SPOCK3: variants seen among roughly 807,000 people sequenced by gnomAD.
The protein encoded by SPOCK3 is SPARC (osteonectin), cwcv and kazal like domains proteoglycan 3.
Under a neutral mutation model 56.6 loss-of-function variants are expected in SPOCK3, and 30 were observed. The ratio of observed to expected loss-of-function variants is 0.53; its 90% CI spans 0.40 to 0.72. The LOEUF (loss-of-function observed/expected upper bound fraction) is 0.72, where lower values mean the gene tolerates loss of function less well. Ranked by LOEUF, SPOCK3 falls within the 30% of genes least tolerant of loss-of-function variation. The probability of loss-of-function intolerance (pLI) is 0.00; values close to 1 mark genes in which losing one functional copy is unlikely to be tolerated. For missense variants in SPOCK3, 527 were observed against 530.0 expected (o/e 0.99, Z 0.06); for synonymous variants, 196 against 183.3 (o/e 1.07, Z -0.56).
At chr4:166,870,738 AAAG>A (rs1732376105) in intron 6 of SPOCK3, among the ~76,000 whole-genome samples, 1 of 152,124 alleles carries the variant, frequency 6.6e-6, no homozygotes, top group Admixed American at 6.6e-5. Context: ...ATATGTTAGA[AAAG>A]AAGATAACCT....
At chr4:166,947,847 T>C (rs146493795) in intron 4 of SPOCK3, among the ~76,000 whole-genome samples, 533 of 152,340 alleles carry the variant, frequency 3.5e-3, no homozygotes, top group Non-Finnish European at 4.9e-3. Flanking sequence ...TCCTCACATA[T>C]TTATTGGTTT....
intron 4 of SPOCK3, among the ~76,000 whole-genome samples, chr4:166,997,601 T>A (rs2150123000): frequency 6.6e-6 from 1 of 152,280 alleles, no homozygotes; most frequent in East Asian, 1.9e-4. Context: ...TACTGAGCAG[T>A]AATTCAAGAT....
chr4:167,092,769 T>A (rs1315664969), intron 2 of SPOCK3, among the ~76,000 whole-genome samples: 1 of 152,116 alleles, frequency 6.6e-6, no homozygotes, highest in Non-Finnish European at 1.5e-5. Context: ...CAGTGAAGAA[T>A]AATAGAGAAA....
chr4:166,834,425 C>T (rs926694301), intron 6 of SPOCK3, among the ~76,000 whole-genome samples: 2 of 152,142 alleles, frequency 1.3e-5, no homozygotes, highest in African/African-American at 2.4e-5. Context: ...GATGGCTTTG[C>T]CACCACTGCT....
intron 5 of SPOCK3, among the ~76,000 whole-genome samples, chr4:166,902,928 G>T (rs1736213439): frequency 6.7e-6 from 1 of 150,374 alleles, no homozygotes; most frequent in African/African-American, 2.4e-5. Context: ...GTTGATGTCT[G>T]TTACTAATAA....
chr4:167,145,813 C>G (rs992368608), intron 2 of SPOCK3, among the ~76,000 whole-genome samples: 3 of 152,062 alleles, frequency 2.0e-5, no homozygotes, highest in African/African-American at 7.2e-5. Flanking sequence ...GAAGGAAGCA[C>G]TACACATGGA....
At chr4:166,904,442 G>T (rs1395578937) in intron 5 of SPOCK3, among the ~76,000 whole-genome samples, 1 of 151,984 alleles carries the variant, frequency 6.6e-6, no homozygotes, top group African/African-American at 2.4e-5. Context: ...CTGACAAAAA[G>T]ATTACAGAAC....
chr4:167,036,842 C>T (rs975861908), intron 3 of SPOCK3, among the ~76,000 whole-genome samples: 200 of 151,972 alleles, frequency 1.3e-3, no homozygotes, highest in African/African-American at 4.5e-3. Context: ...CCCTCTAACG[C>T]TGTTATATCA....
intron 2 of SPOCK3, among the ~76,000 whole-genome samples, chr4:167,169,120 C>A (rs889279289): frequency 1.3e-5 from 2 of 152,184 alleles, no homozygotes; most frequent in African/African-American, 4.8e-5. Flanking sequence ...GCTGCAGGGG[C>A]AGGACCCTCA....
At chr4:167,036,841 G>A (rs906812815) in intron 3 of SPOCK3, among the ~76,000 whole-genome samples, 1 of 151,026 alleles carries the variant, frequency 6.6e-6, no homozygotes, top group Non-Finnish European at 1.5e-5. Context: ...GCCCTCTAAC[G>A]CTGTTATATC....
rs1301528135 is a variant in SPOCK3, at chr4:166,748,273, G to A, written c.932-6214C>T. ...ATGGTAACCAAAACAGCATGGTACT[G>A]GTACCAAAACAGAGATATAGACCAG... is the stretch of plus-strand genomic sequence containing the variant. On this transcript the variant is annotated intron_variant, in intron 8 of 10. Transcript: ENST00000357545. Among the ~76,000 whole-genome samples, 8 of 137,278 alleles carry A rather than the reference G, an allele frequency of 5.8e-5. 2 individuals carry two copies. Among genetic ancestry groups the A allele is most frequent in the Non-Finnish European group, 1.2e-4 (8 of 64,710 alleles). The allele number at this position is 137,278 out of a possible 152,430, so 90.1% of individuals were successfully genotyped here. A position where few individuals can be genotyped will look rare whatever the true frequency, so the allele number is the denominator to read the frequency against.
At chr4:167,058,917 A>G (rs1007358129) in intron 3 of SPOCK3, among the ~76,000 whole-genome samples, 2 of 152,240 alleles carry the variant, frequency 1.3e-5, no homozygotes, top group African/African-American at 4.8e-5. Flanking sequence ...TCCCTACTTA[A>G]TAAATGGTGC....
At position 167,171,428 on chromosome 4, in the gene SPOCK3, C is replaced by A. The variant is rs374237456; in HGVS notation, c.189+62557G>T. Among the ~76,000 whole-genome samples, 92 of 152,220 alleles carry A rather than the reference C, an allele frequency of 6.0e-4. 4 individuals carry two copies. The South Asian group carries it at 7.9e-3, about 13-fold the overall frequency. On this transcript the variant is annotated intron_variant, in intron 2 of 10. Transcript: ENST00000357545. The stretch of plus-strand genomic sequence containing the variant: ...TTAAGTACTTGTCTACAGCATGTAA[C>A]CCATTTCCCAATGGGGAAAAATGTA...
chr4:167,087,206 T>A (rs1006628332), intron 2 of SPOCK3, among the ~76,000 whole-genome samples: 2 of 152,164 alleles, frequency 1.3e-5, no homozygotes, highest in African/African-American at 4.8e-5. Flanking sequence ...GTTGTTACTA[T>A]AACTTCTTTT....
At chr4:166,807,040 G>A (rs891110192) in intron 6 of SPOCK3, among the ~76,000 whole-genome samples, 8 of 151,676 alleles carry the variant, frequency 5.3e-5, no homozygotes, top group Admixed American at 2.0e-4. Context: ...ATATTGTATC[G>A]TATTATAACT....
At chr4:166,763,717 T>C (rs1423786123) in intron 7 of SPOCK3, among the ~76,000 whole-genome samples, 5 of 152,114 alleles carry the variant, frequency 3.3e-5, no homozygotes, top group Admixed American at 6.6e-5. Flanking sequence ...GTTAACAATA[T>C]TATTTGAAGG....
chr4:167,219,678 T>C (rs1330183385), intron 2 of SPOCK3, among the ~76,000 whole-genome samples: 1 of 152,102 alleles, frequency 6.6e-6, no homozygotes, highest in East Asian at 1.9e-4. Flanking sequence ...TTTATTTTAA[T>C]TTTCGTTACA....
At chr4:166,832,548 T>C (rs974765832) in intron 6 of SPOCK3, among the ~76,000 whole-genome samples, 2 of 152,138 alleles carry the variant, frequency 1.3e-5, no homozygotes, top group African/African-American at 4.8e-5. Flanking sequence ...TTCAACCCAG[T>C]AACCCCATTA....
chr4:167,021,672 T>G (rs1007979792), intron 3 of SPOCK3, among the ~76,000 whole-genome samples: 5 of 151,926 alleles, frequency 3.3e-5, no homozygotes, highest in African/African-American at 1.2e-4. Flanking sequence ...TTACAGCCAC[T>G]GTCCTAGTAG....
Sources: allele counts gnomAD v4.1 joint callset (sites outside exome capture counted in the v4.1 genomes callset), GRCh38; gene constraint gnomAD v4.1.1; transcripts MANE v1.5; gene names NCBI Gene and HGNC (gene_info 2026-07-23, HGNC 2026-07-21).